The following TRPV1 variants were observed in gnomAD, a reference collection of about 807,000 sequenced individuals.
TRPV1 encodes the protein OTRPC1.
Under a neutral mutation model 82.3 loss-of-function variants are expected in TRPV1, and 82 were observed. The ratio of observed to expected loss-of-function variants is 1.00; its 90% CI spans 0.83 to 1.20. TRPV1 has a LOEUF of 1.20. TRPV1 is among the 50% of genes most tolerant of loss of function. TRPV1 has a pLI of 0.00. For missense variants in TRPV1, 1,067 were observed against 1,096.8 expected (o/e 0.97, Z 0.38); for synonymous variants, 515 against 467.7 (o/e 1.10, Z -1.30).
chr17:3,576,419 G>A (rs868756210), intron 13 of TRPV1, among the ~76,000 whole-genome samples: 4 of 151,812 alleles, frequency 2.6e-5, no homozygotes, highest in Admixed American at 6.6e-5. Flanking sequence ...TTGGGAGGCC[G>A]AGGCAGGCGG....
intron 16 of TRPV1, among the ~76,000 whole-genome samples, chr17:3,569,550 C>T (rs1459618776): frequency 6.6e-6 from 1 of 152,232 alleles, no homozygotes; most frequent in Non-Finnish European, 1.5e-5. Context: ...CGGTGAGCTG[C>T]AGTCTAAGAA....
At chr17:3,580,548 T>G in intron 10 of TRPV1, 21 bp from the exon 11 acceptor site, 11 of 1,613,500 alleles carry the variant, frequency 6.8e-6, no homozygotes, top group Non-Finnish European at 9.3e-6. Flanking sequence ...ACAGAGAGAG[T>G]AAGATCCCAG....
intron 10 of TRPV1, among the ~76,000 whole-genome samples, chr17:3,582,832 C>G (rs1389567589): frequency 2.8e-5 from 4 of 141,938 alleles, no homozygotes; most frequent in African/African-American, 4.9e-5. Flanking sequence ...TGGTGGCAGG[C>G]GCCTGTAATC....
chr17:3,580,906 C>T (rs1409237198), intron 10 of TRPV1, among the ~76,000 whole-genome samples: 1 of 151,902 alleles, frequency 6.6e-6, no homozygotes, highest in Non-Finnish European at 1.5e-5. Context: ...GTAATCCCAG[C>T]TACTCATGAG....
intron 2 of TRPV1, chr17:3,602,232 T>C (rs2075268516): frequency 6.6e-6 from 1 of 152,242 alleles, no homozygotes; most frequent in African/African-American, 2.4e-5. Context: ...ATGATTTTCT[T>C]GTGTCTTGCT....
At position 3,583,319 on chromosome 17, in the gene TRPV1, T is replaced by G; in HGVS notation, c.1476+19A>C. 1 of 1,590,074 alleles carries G rather than the reference T, an allele frequency of 6.3e-7. No individual in the cohort carries two copies. The highest frequency in any genetic ancestry group is 8.6e-7 in the Non-Finnish European group (1 of 1,166,142). ...TTTTGGTGATAATGGAAACTCACAA[T>G]GTGGGAAGGAACGCTTACCCCTCGG... On this transcript the variant is annotated intron_variant, in intron 10 of 16. Coordinates refer to ENST00000572705, the MANE Select transcript of TRPV1 (RefSeq NM_080704.4).
At chr17:3,577,010 C>T in intron 13 of TRPV1, 116 bp downstream of exon 13, 1 of 1,048,228 alleles carries the variant, frequency 9.5e-7, no homozygotes, top group South Asian at 1.5e-5. Context: ...CTCTCAGTCA[C>T]CTGCAGACAT....
At chr17:3,601,160 C>T (rs771291125) in intron 2 of TRPV1, among the ~76,000 whole-genome samples, 3 of 151,958 alleles carry the variant, frequency 2.0e-5, no homozygotes, top group Non-Finnish European at 2.9e-5. Flanking sequence ...TGACCTCCAG[C>T]CTCTCCTTCT....
At chr17:3,574,370 G>A (rs1597515376) in intron 13 of TRPV1, among the ~76,000 whole-genome samples, 1 of 152,130 alleles carries the variant, frequency 6.6e-6, no homozygotes, top group Admixed American at 6.5e-5. Flanking sequence ...GGGAAGTGTG[G>A]CCCAGAGCCT....
chr17:3,582,243 C>T (rs1300894280), intron 10 of TRPV1, among the ~76,000 whole-genome samples: 2 of 139,054 alleles, frequency 1.4e-5, no homozygotes, highest in Non-Finnish European at 3.0e-5. Context: ...ATGGTGATGG[C>T]TTCCTGTAGT....
chr17:3,586,955 T>G (rs1235689327), intron 8 of TRPV1, among the ~76,000 whole-genome samples: 3 of 152,170 alleles, frequency 2.0e-5, no homozygotes, highest in African/African-American at 7.2e-5. Flanking sequence ...AACTCCTTAC[T>G]GCCTCAAGAG....
At chr17:3,608,942 A>T (rs2075318462) in intron 1 of TRPV1, 1 of 152,294 alleles carries the variant, frequency 6.6e-6, no homozygotes, top group African/African-American at 2.4e-5. Flanking sequence ...CCCAGGCTGG[A>T]GTGCAATGGC....
intron 10 of TRPV1, among the ~76,000 whole-genome samples, chr17:3,582,208 A>AAAAAAAAAAAAAAAAAAAAAAAAC (rs2075029978): frequency 6.8e-6 from 1 of 146,386 alleles, no homozygotes; most frequent in Non-Finnish European, 1.5e-5. Flanking sequence ...AAAAAAAAAA[A>AAAAAAAAAAAAAAAAAAAAAAAAC]AAAAAATCAC....
rs368953854 is a variant in TRPV1, at chr17:3,582,017, C to T, written c.1476+1321G>A. 5.4e-4 allele frequency among the ~76,000 whole-genome samples: 79 copies of T among 146,874 alleles called. No individual in the cohort carries two copies. The East Asian group carries it at 7.1e-3, about 13-fold the overall frequency. Reference sequence around the variant, plus strand: ...CATCCTGGCTAACACGGTGAAACCCCGTCTCTACTAAAAATACAAAAAATT... The same window carrying T: ...CATCCTGGCTAACACGGTGAAACCCTGTCTCTACTAAAAATACAAAAAATT... On this transcript the variant is annotated intron_variant, in intron 10 of 16. Coordinates refer to ENST00000572705, the MANE Select transcript of TRPV1 (RefSeq NM_080704.4).
chr17:3,591,375 C>G lies in TRPV1; in HGVS notation c.285-22G>C, dbSNP rs779648814. 11 of 1,548,494 alleles carry G rather than the reference C, an allele frequency of 7.1e-6. No individual in the cohort carries two copies. The African/African-American group carries it at 1.1e-4, about 16-fold the overall frequency. On this transcript the variant is annotated intron_variant, in intron 3 of 16. Transcript: ENST00000572705. ...CAGCCTGTGGGCCAGAAAACACGCTCGTCTCATACCCTGGCCTCCCCTCGG... is the reference window on the plus strand; with the variant it reads ...CAGCCTGTGGGCCAGAAAACACGCTGGTCTCATACCCTGGCCTCCCCTCGG...
chr17:3,572,178 C>G lies in TRPV1; in HGVS notation c.2175G>C (p.Lys725Asn), dbSNP rs1330014834. The G allele has an allele frequency of 6.2e-7, 1 of 1,613,418 alleles. No individual in the cohort carries two copies. Among genetic ancestry groups the G allele is most frequent in the Non-Finnish European group, 8.5e-7 (1 of 1,179,728 alleles). ...KCMRKAFRSG[K>N]LLQVGYTPDG... ...CAGGTGTGTACCCCACCTGCAGCAGCTTGCCTGAGCGGAAGGCCTTCCTCA... is the reference window on the plus strand; with the variant it reads ...CAGGTGTGTACCCCACCTGCAGCAGGTTGCCTGAGCGGAAGGCCTTCCTCA... The change falls in exon 15 of 17, where the codon AAG becomes AAC. Residue 725 changes from lysine (K) to asparagine (N), a missense_variant. Lys to Asn is a moderately conservative substitution (Grantham distance 94). Coordinates refer to ENST00000572705, the MANE Select transcript of TRPV1 (RefSeq NM_080704.4).
chr17:3,598,366 G>A (rs114121267), intron 2 of TRPV1, among the ~76,000 whole-genome samples: 2 of 152,210 alleles, frequency 1.3e-5, no homozygotes, highest in Admixed American at 6.5e-5. Flanking sequence ...TCCCAAACCC[G>A]CTCTCGCAGG....
chr17:3,593,414 C>G (rs2075186758), intron 2 of TRPV1, among the ~76,000 whole-genome samples: 1 of 152,128 alleles, frequency 6.6e-6, no homozygotes, highest in South Asian at 2.1e-4. Context: ...GACACATGAG[C>G]TGATGCTATT....
rs769171623 is a variant in TRPV1, at chr17:3,591,226, G to A, written c.412C>T (p.Gln138Ter). 5.0e-6 allele frequency: 8 copies of A among 1,612,576 alleles called. No individual in the cohort carries two copies. The highest frequency in any genetic ancestry group is 1.7e-5 in the Admixed American group (1 of 59,756). Residue 138 changes from glutamine (Q) to a stop codon, truncating the protein, a stop_gained, in exon 4 of 17, where the codon CAG becomes TAG. Transcript: ENST00000572705. LOFTEE classifies it high-confidence loss of function. Reference sequence around the variant, plus strand: ...TCTGTGAGGTGCTTCTTGCTCTTCTGCAGGAAGAGCAGCAGGCTCTCCAGA... The same window carrying A: ...TCTGTGAGGTGCTTCTTGCTCTTCTACAGGAAGAGCAGCAGGCTCTCCAGA... The part of the protein sequence containing the change: ...QDLESLLLFL[Q>*]KSKKHLTDNE...
Sources: gnomAD v4.1 joint callset for allele counts (sites outside exome capture counted in the v4.1 genomes callset) on GRCh38, gnomAD v4.1.1 for gene constraint, MANE v1.5 for transcripts, NCBI Gene and HGNC (gene_info 2026-07-23, HGNC 2026-07-21) for gene names.